Variants in DEPDC1B observed in about 807,000 individuals in gnomAD.
The protein encoded by DEPDC1B is DEP domain containing 1B.
DEPDC1B carries 51 observed loss-of-function variants against 66.5 expected under a neutral mutation model. The ratio of observed to expected loss-of-function variants is 0.77; its 90% CI spans 0.61 to 0.97. The LOEUF is 0.97. DEPDC1B is among the 50% of genes least tolerant of loss of function. The pLI is 0.00. For missense variants in DEPDC1B, 552 were observed against 637.1 expected (o/e 0.87, Z 1.44); for synonymous variants, 226 against 223.6 (o/e 1.01, Z -0.10).
chr5:60,642,731 G>T, intron 6 of DEPDC1B, 81 bp downstream of exon 6: 1 of 1,029,036 alleles, frequency 9.7e-7, no homozygotes, highest in Non-Finnish European at 1.5e-6. Flanking sequence ...TCAATGTTCA[G>T]GCCATTGAGC....
chr5:60,598,955 A>T, intron 10 of DEPDC1B, 120 bp downstream of exon 10: 1 of 811,588 alleles, frequency 1.2e-6, no homozygotes, highest in African/African-American at 1.7e-5. Flanking sequence ...ATGAACTAAT[A>T]TACTTAGAAA....
chr5:60,682,698 A>T (rs908716793), intron 2 of DEPDC1B, among the ~76,000 whole-genome samples: 1 of 152,134 alleles, frequency 6.6e-6, no homozygotes, highest in Non-Finnish European at 1.5e-5. Context: ...AAGGAAATGG[A>T]TATATTCATA....
intron 9 of DEPDC1B, among the ~76,000 whole-genome samples, chr5:60,599,978 C>A (rs1360164500): frequency 6.6e-6 from 1 of 152,104 alleles, no homozygotes; most frequent in Non-Finnish European, 1.5e-5. Context: ...AGGGTCTCCA[C>A]GACCGAGCTG....
chr5:60,609,634 G>A (rs947474796), intron 7 of DEPDC1B, among the ~76,000 whole-genome samples: 2 of 152,132 alleles, frequency 1.3e-5, no homozygotes, highest in African/African-American at 4.8e-5. Context: ...CCCACTGTAA[G>A]GACTGGTTAG....
chr5:60,642,347 G>A (rs1431529838), intron 6 of DEPDC1B, among the ~76,000 whole-genome samples: 1 of 152,138 alleles, frequency 6.6e-6, no homozygotes, highest in South Asian at 2.1e-4. Context: ...GTGTTTCTGA[G>A]ATACTATAAC....
chr5:60,640,317 C>A (rs1367908094), intron 6 of DEPDC1B, among the ~76,000 whole-genome samples: 1 of 152,058 alleles, frequency 6.6e-6, no homozygotes, highest in Non-Finnish European at 1.5e-5. Context: ...GATAAGTATA[C>A]GGTTCATTCT....
chr5:60,682,882 T>C (rs886827262), intron 2 of DEPDC1B, among the ~76,000 whole-genome samples: 4 of 152,176 alleles, frequency 2.6e-5, no homozygotes, highest in African/African-American at 9.7e-5. Context: ...TTAATATCAA[T>C]TCTTATCAAA....
intron 7 of DEPDC1B, among the ~76,000 whole-genome samples, chr5:60,635,886 C>T (rs2111840957): frequency 6.6e-6 from 1 of 152,270 alleles, no homozygotes; most frequent in Non-Finnish European, 1.5e-5. Context: ...CAGACGTTTT[C>T]ATGGTGAATT....
intron 6 of DEPDC1B, among the ~76,000 whole-genome samples, chr5:60,639,224 C>T (rs141651825): frequency 6.6e-6 from 1 of 152,096 alleles, no homozygotes; most frequent in African/African-American, 2.4e-5. Flanking sequence ...TAAATGTAAA[C>T]AATAATTTTC....
intron 7 of DEPDC1B, among the ~76,000 whole-genome samples, chr5:60,617,202 A>G (rs1355587988): frequency 6.6e-6 from 1 of 152,232 alleles, no homozygotes; most frequent in Non-Finnish European, 1.5e-5. Flanking sequence ...TGTAAAGACC[A>G]TCGAGGCTAG....
intron 7 of DEPDC1B, among the ~76,000 whole-genome samples, chr5:60,611,627 TA>T (rs1681832368): frequency 6.6e-6 from 1 of 152,164 alleles, no homozygotes; most frequent in African/African-American, 2.4e-5. Context: ...GTGTTGCTGA[TA>T]GGGAGAAAGT....
chr5:60,615,302 G>A (rs1339554953), intron 7 of DEPDC1B, among the ~76,000 whole-genome samples: 1 of 152,014 alleles, frequency 6.6e-6, no homozygotes, highest in South Asian at 2.1e-4. Context: ...AGTGGGTGCA[G>A]GACAGTGGGT....
At chr5:60,605,998 A>T (rs1212672840) in intron 7 of DEPDC1B, 142 bp from the exon 8 acceptor site, 6 of 664,884 alleles carry the variant, frequency 9.0e-6, no homozygotes, top group Non-Finnish European at 1.4e-5. Context: ...AATTGAATAT[A>T]GATCCATTGT....
At chr5:60,605,645 A>T in intron 8 of DEPDC1B, 45 bp downstream of exon 8, 1 of 1,594,280 alleles carries the variant, frequency 6.3e-7, no homozygotes, top group Non-Finnish European at 8.5e-7. Context: ...TACTCAGTCG[A>T]CTTTCATTCC....
chr5:60,638,014 A>G (rs1468070285), intron 7 of DEPDC1B, among the ~76,000 whole-genome samples: 1 of 152,194 alleles, frequency 6.6e-6, no homozygotes, highest in African/African-American at 2.4e-5. Context: ...AACAATCAAA[A>G]ACAAAAGTGT....
intron 7 of DEPDC1B, among the ~76,000 whole-genome samples, chr5:60,627,224 A>T (rs981655120): frequency 2.0e-5 from 3 of 152,088 alleles, no homozygotes; most frequent in Non-Finnish European, 4.4e-5. Context: ...TTATTTCATC[A>T]CTAAGAGGTT....
intron 7 of DEPDC1B, among the ~76,000 whole-genome samples, chr5:60,608,412 C>T (rs1752352354): frequency 6.7e-6 from 1 of 150,000 alleles, no homozygotes; most frequent in Admixed American, 6.7e-5. Context: ...GATAAACACT[C>T]AAATACCTAT....
At chr5:60,679,588 G>C (rs989445607) in intron 2 of DEPDC1B, among the ~76,000 whole-genome samples, 2 of 152,098 alleles carry the variant, frequency 1.3e-5, no homozygotes, top group Non-Finnish European at 2.9e-5. Context: ...AGACAGGCAG[G>C]AAATAAAAAG....
chr5:60,598,910 C>T (rs544302392), intron 10 of DEPDC1B, among the ~76,000 whole-genome samples, 165 bp downstream of exon 10: 20 of 151,822 alleles, frequency 1.3e-4, no homozygotes, highest in African/African-American at 4.8e-4. Context: ...GGATACTGAC[C>T]ACAAGTGTGT....
Sources: allele counts gnomAD v4.1 joint callset (sites outside exome capture counted in the v4.1 genomes callset), GRCh38; gene constraint gnomAD v4.1.1; transcripts MANE v1.5; gene names NCBI Gene and HGNC (gene_info 2026-07-23, HGNC 2026-07-21).